Variants in SENP7 observed in about 807,000 individuals in gnomAD.
SENP7 encodes SUMO specific peptidase 7, also known as sentrin-specific protease 7.
SENP7 carries 64 observed loss-of-function variants against 141.2 expected under a neutral mutation model. That is an observed-to-expected ratio of 0.45 (90% CI 0.37 to 0.56). The LOEUF (loss-of-function observed/expected upper bound fraction) is 0.56. SENP7 is among the 20% of genes least tolerant of loss of function. The probability of loss-of-function intolerance (pLI) is 0.00; values close to 1 mark genes in which losing one functional copy is unlikely to be tolerated. For synonymous variants in SENP7, 382 were observed against 426.4 expected (o/e 0.90, Z 1.28); for missense variants, 1,025 against 1,212.2 (o/e 0.85, Z 2.29).
intron 4 of SENP7, among the ~76,000 whole-genome samples, chr3:101,455,905 G>GA (rs1395924796): frequency 1.3e-5 from 2 of 152,026 alleles, no homozygotes; most frequent in Admixed American, 1.3e-4. Context: ...AGAACATTCA[G>GA]AAAAAGGTTA....
chr3:101,411,533 T>C (rs2061458285), intron 5 of SENP7, among the ~76,000 whole-genome samples: 1 of 152,184 alleles, frequency 6.6e-6, no homozygotes, highest in Non-Finnish European at 1.5e-5. Context: ...CTTTGTGTGA[T>C]AGGCTTGAAG....
Position 101,484,974 on chromosome 3 carries a change from G to A in SENP7, c.186+8899C>T, listed in dbSNP as rs569779193. 2.6e-5 allele frequency among the ~76,000 whole-genome samples: 4 copies of A among 152,140 alleles called. No individual in the cohort carries two copies. The South Asian group carries it at 8.3e-4, about 32-fold the overall frequency. ...TTTACCTGGTAGCTGGGTGAGGTCT[G>A]TGACTGTCAGCTTTCCCCCACTGCC... On this transcript the variant is annotated intron_variant, in intron 3 of 23. Coordinates refer to ENST00000394095, the MANE Select transcript of SENP7 (RefSeq NM_020654.5).
At chr3:101,328,333 T>G in intron 22 of SENP7, 145 bp downstream of exon 22, 1 of 571,948 alleles carries the variant, frequency 1.7e-6, no homozygotes, top group East Asian at 2.8e-5. Context: ...TAGAAGATAT[T>G]TATTATTGAT....
At chr3:101,340,784 T>C (rs1461598379) in intron 15 of SENP7, among the ~76,000 whole-genome samples, 3 of 152,164 alleles carry the variant, frequency 2.0e-5, no homozygotes, top group African/African-American at 7.2e-5. Flanking sequence ...AGGAGACATA[T>C]AATTTAATCA....
chr3:101,494,179 G>A (rs2065075616), intron 2 of SENP7, among the ~76,000 whole-genome samples: 1 of 152,152 alleles, frequency 6.6e-6, no homozygotes, highest in African/African-American at 2.4e-5. Flanking sequence ...GTTGAATGAA[G>A]AATCAGAAGA....
At chr3:101,327,222 C>T (rs963757952) in intron 23 of SENP7, among the ~76,000 whole-genome samples, 2 of 151,946 alleles carry the variant, frequency 1.3e-5, no homozygotes, top group African/African-American at 4.8e-5. Flanking sequence ...TCTTTGCTTG[C>T]CCAGTGATAT....
chr3:101,444,575 C>T (rs371040093), intron 4 of SENP7, among the ~76,000 whole-genome samples: 21 of 151,860 alleles, frequency 1.4e-4, no homozygotes, highest in Admixed American at 1.2e-3. Flanking sequence ...AAAAATGATG[C>T]GTTCATGTCC....
intron 2 of SENP7, among the ~76,000 whole-genome samples, chr3:101,496,274 G>T (rs1016334335): frequency 6.6e-6 from 1 of 151,912 alleles, no homozygotes; most frequent in Admixed American, 6.6e-5. Flanking sequence ...TTATTTATTC[G>T]AGACAGGGTC....
intron 6 of SENP7, among the ~76,000 whole-genome samples, chr3:101,388,612 G>A (rs1390968022): frequency 1.3e-5 from 2 of 151,778 alleles, no homozygotes; most frequent in African/African-American, 2.4e-5. Context: ...CATGTACAAA[G>A]GAATATAATA....
chr3:101,390,342 GA>G (rs375807905), intron 6 of SENP7, among the ~76,000 whole-genome samples: 58,086 of 131,994 alleles, frequency 0.44, 11,705 homozygotes, highest in Admixed American at 0.56. Context: ...TACATTGACC[GA>G]AAAAAAAAAA....
chr3:101,507,490 C>A (rs977313225), intron 1 of SENP7, among the ~76,000 whole-genome samples: 2 of 152,296 alleles, frequency 1.3e-5, no homozygotes, highest in African/African-American at 2.4e-5. Flanking sequence ...TTACCAAATT[C>A]TTTTCCAAAG....
intron 22 of SENP7, among the ~76,000 whole-genome samples, chr3:101,328,181 A>T (rs2058954394): frequency 6.6e-6 from 1 of 152,094 alleles, no homozygotes; most frequent in South Asian, 2.1e-4. Context: ...AAGAGTTCTT[A>T]TTTTTTTCTA....
chr3:101,467,117 A>C (rs2063787460), intron 3 of SENP7, among the ~76,000 whole-genome samples: 1 of 152,238 alleles, frequency 6.6e-6, no homozygotes, highest in African/African-American at 2.4e-5. Context: ...GCAAGACGGC[A>C]GCCTGGCTGG....
intron 6 of SENP7, among the ~76,000 whole-genome samples, chr3:101,395,992 G>T (rs1309409609): frequency 6.6e-6 from 1 of 152,162 alleles, no homozygotes; most frequent in Non-Finnish European, 1.5e-5. Context: ...ACCCAATAAG[G>T]TGTGTATTAT....
rs16843786 is a variant in SENP7 at position 101,348,850 on chromosome 3, T to G, written c.1658-799A>C. On this transcript the variant is annotated intron_variant, in intron 12 of 23. Coordinates refer to ENST00000394095, the MANE Select transcript of SENP7 (RefSeq NM_020654.5). The stretch of plus-strand genomic sequence containing the variant: ...AGTCCTGAAGGTCACTTAGTTCAAC[T>G]GCAAGACAGCAAGCAACTGAACTGG... Among the ~76,000 whole-genome samples the G allele has an allele frequency of 9.5e-3, 1,438 of 151,282 alleles. 25 individuals carry two copies. Among genetic ancestry groups the G allele is most frequent in the African/African-American group, 0.034 (1,384 of 41,254 alleles).
intron 4 of SENP7, among the ~76,000 whole-genome samples, chr3:101,452,249 T>C (rs2063168342): frequency 6.6e-6 from 1 of 152,206 alleles, no homozygotes; most frequent in South Asian, 2.1e-4. Flanking sequence ...TCCATGCTCA[T>C]GGGTAGGAAG....
At chr3:101,362,531 G>A (rs1015480987) in intron 10 of SENP7, among the ~76,000 whole-genome samples, 3 of 152,034 alleles carry the variant, frequency 2.0e-5, no homozygotes, top group East Asian at 3.9e-4. Context: ...ATAATATTGC[G>A]TGATGCTGAG....
At chr3:101,495,208 T>A (rs1202113435) in intron 2 of SENP7, among the ~76,000 whole-genome samples, 1 of 152,142 alleles carries the variant, frequency 6.6e-6, no homozygotes, top group Non-Finnish European at 1.5e-5. Flanking sequence ...AGACACCATC[T>A]CACACCACTC....
At chr3:101,474,589 T>A (rs1035870226) in intron 3 of SENP7, among the ~76,000 whole-genome samples, 1 of 152,100 alleles carries the variant, frequency 6.6e-6, no homozygotes, top group Admixed American at 6.6e-5. Flanking sequence ...GCTGAGAATA[T>A]GGGGTTTTCT....
Sources: gnomAD v4.1 joint callset for allele counts (sites outside exome capture counted in the v4.1 genomes callset) on GRCh38, gnomAD v4.1.1 for gene constraint, MANE v1.5 for transcripts, NCBI Gene and HGNC (gene_info 2026-07-23, HGNC 2026-07-21) for gene names.